WDR17: variants seen among roughly 807,000 people sequenced by gnomAD.
The protein encoded by WDR17 is WD repeat domain 17.
Under a neutral mutation model 161.7 loss-of-function variants are expected in WDR17, and 143 were observed. The ratio of observed to expected loss-of-function variants is 0.88; its 90% CI spans 0.77 to 1.02. The LOEUF (loss-of-function observed/expected upper bound fraction) is 1.02. Ranked by LOEUF, WDR17 falls within the 50% of genes least tolerant of loss-of-function variation. The probability of loss-of-function intolerance (pLI) is 0.00; values close to 1 mark genes in which losing one functional copy is unlikely to be tolerated. For synonymous variants in WDR17, 517 were observed against 515.6 expected, an observed-to-expected ratio of 1.00 and a Z score of -0.04; for missense variants, 1,469 against 1,520.9, an observed-to-expected ratio of 0.97 and a Z score of 0.57.
intron 1 of WDR17, among the ~76,000 whole-genome samples, chr4:176,076,356 A>T (rs943663853): frequency 9.9e-6 from 1 of 100,752 alleles, no homozygotes; most frequent in South Asian, 4.0e-4. Flanking sequence ...AGCACTTTTG[A>T]TCTGCCTATT....
At chr4:176,078,278 T>C (rs1381046444) in intron 1 of WDR17, among the ~76,000 whole-genome samples, 4 of 152,142 alleles carry the variant, frequency 2.6e-5, no homozygotes, top group Admixed American at 6.6e-5. Context: ...TGAATTTTTT[T>C]CCCATCACTG....
chr4:176,083,575 A>G (rs1330260820), intron 1 of WDR17, among the ~76,000 whole-genome samples: 1 of 152,128 alleles, frequency 6.6e-6, no homozygotes, highest in Non-Finnish European at 1.5e-5. Context: ...GTATGAATAT[A>G]CTGTATCATT....
chr4:176,076,871 C>A (rs1458682885), intron 1 of WDR17, among the ~76,000 whole-genome samples: 1 of 151,952 alleles, frequency 6.6e-6, no homozygotes, highest in Non-Finnish European at 1.5e-5. Flanking sequence ...GATACTGGAT[C>A]AATTATATCA....
intron 4 of WDR17, among the ~76,000 whole-genome samples, chr4:176,123,683 G>A (rs28508010): frequency 0.25 from 38,180 of 152,100 alleles, 4,937 homozygotes; most frequent in African/African-American, 0.29. Context: ...CAGGCATGCC[G>A]CCCTCCAGGA....
chr4:176,111,433 G>A (rs983394988), intron 1 of WDR17, 142 bp from the exon 2 acceptor site: 2 of 870,814 alleles, frequency 2.3e-6, no homozygotes, highest in Non-Finnish European at 3.2e-6. Context: ...GCTGTTCTCT[G>A]AAAATAAAAG....
intron 1 of WDR17, among the ~76,000 whole-genome samples, chr4:176,110,945 C>T (rs914293029): frequency 1.3e-5 from 2 of 152,100 alleles, no homozygotes; most frequent in African/African-American, 4.8e-5. Context: ...AATTTTTGTT[C>T]AGATACTTTT....
At chr4:176,131,902 A>G (rs1231471251) in intron 7 of WDR17, among the ~76,000 whole-genome samples, 164 bp downstream of exon 7, 1 of 152,164 alleles carries the variant, frequency 6.6e-6, no homozygotes, top group Non-Finnish European at 1.5e-5. Context: ...GCATAGAATG[A>G]TGATAAAACT....
chr4:176,150,456 T>C lies in WDR17; in HGVS notation c.2179-12T>C, dbSNP rs2126814876. 1.3e-6 allele frequency: 2 copies of C among 1,589,038 alleles called. No homozygotes were observed. The highest frequency in any genetic ancestry group is 1.7e-4 in the Middle Eastern group (1 of 5,902). ...TTCACTATTCCATATTTATTTTTTGTCAACTCTTTAGCCTCCAGGTGGCAG... is the reference window on the plus strand; with the variant it reads ...TTCACTATTCCATATTTATTTTTTGCCAACTCTTTAGCCTCCAGGTGGCAG... On this transcript the variant is annotated splice_polypyrimidine_tract_variant and intron_variant, in intron 15 of 28. Transcript: ENST00000508596.
chr4:176,167,838 A>G (rs1260364839), intron 22 of WDR17, among the ~76,000 whole-genome samples: 2 of 151,154 alleles, frequency 1.3e-5, no homozygotes, highest in East Asian at 3.9e-4. Flanking sequence ...GCTTTAGTCC[A>G]CTGATTGGAT....
chr4:176,108,813 T>C (rs1017905512), intron 1 of WDR17, among the ~76,000 whole-genome samples: 1 of 152,168 alleles, frequency 6.6e-6, no homozygotes, highest in African/African-American at 2.4e-5. Context: ...TTTATTTATT[T>C]GAGACTTGCT....
intron 1 of WDR17, among the ~76,000 whole-genome samples, chr4:176,102,908 A>AG (rs1455968174): frequency 5.3e-5 from 8 of 152,228 alleles, no homozygotes; most frequent in Non-Finnish European, 1.0e-4. Context: ...CATGTATCCC[A>AG]GAAGTATCTT....
At chr4:176,160,201 G>T (rs1748822965) in intron 19 of WDR17, 75 bp downstream of exon 19, 1 of 1,552,738 alleles carries the variant, frequency 6.4e-7, no homozygotes, top group African/African-American at 1.4e-5. Flanking sequence ...GTGTTGACTG[G>T]CTCACCCTTA....
chr4:176,177,418 CA>C, intron 27 of WDR17, 52 bp from the exon 28 acceptor site: 1 of 1,447,794 alleles, frequency 6.9e-7, no homozygotes. Flanking sequence ...ATCTAAACAT[CA>C]AAAATTCTGT....
chr4:176,167,666 A>AAAAAAAAAAAAAAAAAAC (rs1561210753), intron 22 of WDR17, among the ~76,000 whole-genome samples: 2 of 139,866 alleles, frequency 1.4e-5, no homozygotes, highest in African/African-American at 5.2e-5. Flanking sequence ...AAAAAAAAAA[A>AAAAAAAAAAAAAAAAAAC]AAAAAACAAT....
At chr4:176,110,511 TG>T (rs1739532918) in intron 1 of WDR17, among the ~76,000 whole-genome samples, 1 of 152,216 alleles carries the variant, frequency 6.6e-6, no homozygotes, top group Admixed American at 6.5e-5. Context: ...AGGCATTTTT[TG>T]TCAATAATTT....
intron 4 of WDR17, among the ~76,000 whole-genome samples, chr4:176,120,941 T>TA (rs1203036213): frequency 6.6e-6 from 1 of 152,136 alleles, no homozygotes; most frequent in Non-Finnish European, 1.5e-5. Flanking sequence ...TTTCTAAAGT[T>TA]AAAAAGGATT....
At chr4:176,158,407 T>A (rs1299492978) in intron 18 of WDR17, among the ~76,000 whole-genome samples, 1 of 152,148 alleles carries the variant, frequency 6.6e-6, no homozygotes, top group African/African-American at 2.4e-5. Flanking sequence ...GGTTTTAGGT[T>A]TGAAAAACTG....
At chr4:176,108,615 T>C (rs1739195194) in intron 1 of WDR17, among the ~76,000 whole-genome samples, 2 of 152,046 alleles carry the variant, frequency 1.3e-5, no homozygotes, top group Non-Finnish European at 2.9e-5. Flanking sequence ...AGTTTTAACA[T>C]GTGCCATCCG....
At chr4:176,147,028 A>G (rs942900440) in intron 12 of WDR17, among the ~76,000 whole-genome samples, 2 of 151,918 alleles carry the variant, frequency 1.3e-5, no homozygotes, top group African/African-American at 2.4e-5. Context: ...CACCACGCCC[A>G]GCTAATTTTT....
Sources: allele counts gnomAD v4.1 joint callset (sites outside exome capture counted in the v4.1 genomes callset), GRCh38; gene constraint gnomAD v4.1.1; transcripts MANE v1.5; gene names NCBI Gene and HGNC (gene_info 2026-07-23, HGNC 2026-07-21).